ERI1: variants seen among roughly 807,000 people sequenced by gnomAD.
ERI1 encodes the protein exoribonuclease 1, also known as 3'-5' exoribonuclease 1.
ERI1 carries 39 observed loss-of-function variants against 39.7 expected under a neutral mutation model. That is an observed-to-expected ratio of 0.98 (90% confidence interval 0.76 to 1.28). The LOEUF (loss-of-function observed/expected upper bound fraction) is 1.28. ERI1 is among the 50% of genes most tolerant of loss of function. The pLI, the probability that ERI1 is intolerant of heterozygous loss-of-function variation, is 0.00. For synonymous variants in ERI1, 204 were observed against 149.6 expected (o/e 1.36, Z -2.65); for missense variants, 581 against 416.9 (o/e 1.39, Z -3.43).
chr8:9,042,781 T>G (rs576648886), intron 3 of ERI1, among the ~76,000 whole-genome samples: 3 of 152,186 alleles, frequency 2.0e-5, no homozygotes, highest in Admixed American at 6.5e-5. Flanking sequence ...TTAGTGATGC[T>G]CAACGAATAA....
chr8:9,065,922 GCTGGGCCTCTCT>G (rs1798860606), intron 3 of ERI1, among the ~76,000 whole-genome samples: 1 of 152,168 alleles, frequency 6.6e-6, no homozygotes, highest in Non-Finnish European at 1.5e-5. Flanking sequence ...GTCGGCAGTG[GCTGGGCCTCTCT>G]CTCCAAGGTG....
chr8:9,033,486 T>A (rs1404356450), downstream of ERI1: 2 of 152,198 alleles, frequency 1.3e-5, no homozygotes, highest in Non-Finnish European at 2.9e-5. Context: ...TGCCTACCCT[T>A]ACCTCCCTTA....
At chr8:9,084,684 C>G (rs1281449101) in intron 3 of ERI1, among the ~76,000 whole-genome samples, 1 of 152,176 alleles carries the variant, frequency 6.6e-6, no homozygotes, top group Non-Finnish European at 1.5e-5. Context: ...GAAGATGACC[C>G]AGGAAAATAT....
chr8:9,029,484 A>G (rs1017609756), intron 6 of ERI1, among the ~76,000 whole-genome samples: 3 of 152,028 alleles, frequency 2.0e-5, no homozygotes, highest in Non-Finnish European at 4.4e-5. Context: ...GTGCACCACC[A>G]CGCCTGGCTA....
At chr8:9,019,985 AT>A (rs1299588727) in intron 5 of ERI1, among the ~76,000 whole-genome samples, 2 of 152,006 alleles carry the variant, frequency 1.3e-5, no homozygotes, top group Non-Finnish European at 2.9e-5. Flanking sequence ...TGTTTCTTTC[AT>A]TTTTTTGTTT....
chr8:9,035,978 G>C (rs1323650077), downstream of ERI1, among the ~76,000 whole-genome samples: 1 of 152,300 alleles, frequency 6.6e-6, no homozygotes, highest in East Asian at 1.9e-4. Context: ...AGTCACTGCT[G>C]ATGTGGTGGA....
At chr8:9,005,386 TA>T (rs1041679786) in intron 1 of ERI1, among the ~76,000 whole-genome samples, 1 of 151,874 alleles carries the variant, frequency 6.6e-6, no homozygotes, top group Non-Finnish European at 1.5e-5. Flanking sequence ...TGTGTTCCTT[TA>T]AAAAAATGCT....
intron 3 of ERI1, among the ~76,000 whole-genome samples, chr8:9,093,182 C>T (rs1356790356): frequency 6.6e-6 from 1 of 152,136 alleles, no homozygotes; most frequent in African/African-American, 2.4e-5. Context: ...CCCTGGGCCA[C>T]ATTGGAAGAA....
At chr8:9,067,288 T>C (rs1437424452) in intron 3 of ERI1, among the ~76,000 whole-genome samples, 4 of 152,094 alleles carry the variant, frequency 2.6e-5, no homozygotes, top group Non-Finnish European at 5.9e-5. Flanking sequence ...TTTCTAGATA[T>C]AAAGAGTCCA....
downstream of ERI1, among the ~76,000 whole-genome samples, chr8:9,035,571 ATC>A (rs1797817557): frequency 6.6e-6 from 1 of 152,146 alleles, no homozygotes; most frequent in Admixed American, 6.5e-5. Flanking sequence ...AAAAAAAAAA[ATC>A]TGTTCAAAAT....
At position 9,080,077 on chromosome 8, in the gene ERI1, G is replaced by C. The variant is rs1337293419; in HGVS notation, n.300-36271G>C. Among the ~76,000 whole-genome samples the C allele has an allele frequency of 2.6e-5, 4 of 152,064 alleles. No individual in the cohort carries two copies. In the South Asian group the frequency reaches 8.3e-4, roughly 32 times the overall value. On this transcript the variant is annotated intron_variant and non_coding_transcript_variant, in intron 3 of 3. Transcript: ENST00000518663. ...GGAGCTGGCTTACAGGAATAACACT[G>C]ATTAGTGATTGGCTGTACATTGTTA... is the stretch of plus-strand genomic sequence containing the variant.
chr8:9,017,303 G>T (rs971355669), intron 4 of ERI1, among the ~76,000 whole-genome samples: 2 of 152,010 alleles, frequency 1.3e-5, no homozygotes, highest in Admixed American at 1.3e-4. Context: ...CCCAAAAAGT[G>T]TTGGGATTAC....
At chr8:9,041,009 G>A (rs1797999913) in intron 3 of ERI1, among the ~76,000 whole-genome samples, 1 of 152,230 alleles carries the variant, frequency 6.6e-6, no homozygotes, top group African/African-American at 2.4e-5. Flanking sequence ...ATAGCGTAAT[G>A]AGACCGTTTT....
At chr8:9,045,306 G>C (rs571530442) in intron 3 of ERI1, among the ~76,000 whole-genome samples, 5 of 150,238 alleles carry the variant, frequency 3.3e-5, no homozygotes, top group Non-Finnish European at 4.4e-5. Context: ...ATTTCCACTA[G>C]ACTGGTTCTA....
chr8:9,066,039 ATCT>A (rs1408309030), intron 3 of ERI1, among the ~76,000 whole-genome samples: 2 of 151,844 alleles, frequency 1.3e-5, no homozygotes, highest in East Asian at 1.9e-4. Flanking sequence ...TATCCTCCTC[ATCT>A]TCTGCTTTGC....
chr8:9,056,199 G>A (rs540575539), intron 3 of ERI1, among the ~76,000 whole-genome samples: 5 of 152,356 alleles, frequency 3.3e-5, no homozygotes, highest in East Asian at 1.9e-4. Flanking sequence ...CCCCAGCTCC[G>A]CTGGAAGTGG....
downstream of ERI1, among the ~76,000 whole-genome samples, chr8:9,037,015 G>C (rs959310615): frequency 6.6e-6 from 1 of 152,114 alleles, no homozygotes; most frequent in African/African-American, 2.4e-5. Flanking sequence ...CCCAGCCTCT[G>C]TTATCATCAT....
chr8:9,027,673 T>A (rs563257301), intron 6 of ERI1, among the ~76,000 whole-genome samples: 122 of 152,312 alleles, frequency 8.0e-4, no homozygotes, highest in South Asian at 4.1e-3. Context: ...AAGGTAAGGG[T>A]CCAACTTCAT....
chr8:9,007,963 T>TG lies in ERI1; in HGVS notation c.109-7_109-6insG. 1.0e-6 allele frequency: 1 copy of TG among 976,590 alleles called. No individual in the cohort carries two copies. Among genetic ancestry groups the TG allele is most frequent in the Non-Finnish European group, 1.4e-6 (1 of 710,036 alleles). The allele number at this position is 976,590 out of a possible 1,614,324, so 60.5% of individuals were successfully genotyped here. On this transcript the variant is annotated splice_region_variant and splice_polypyrimidine_tract_variant and intron_variant, in intron 1 of 6. Transcript: ENST00000250263. ...TTTTTTTTTTTTTTTTTTTTTTTTT[T>TG]TGGTAGGAAACTCAACAGTGTAAAT...
Sources: allele counts gnomAD v4.1 joint callset (sites outside exome capture counted in the v4.1 genomes callset), GRCh38; gene constraint gnomAD v4.1.1; transcripts MANE v1.5; gene names NCBI Gene and HGNC (gene_info 2026-07-23, HGNC 2026-07-21).